Variants in GIGYF2 observed in about 807,000 individuals in gnomAD.
GIGYF2 encodes GRB10-interacting GYF protein 2.
In GIGYF2, 25 loss-of-function variants were observed where a neutral mutation model predicts 208.1. That is an observed-to-expected ratio of 0.12 (90% CI 0.09 to 0.17). GIGYF2 has a LOEUF of 0.17. Among genes scored for constraint, GIGYF2 ranks in the 10% least tolerant of loss-of-function variants. The probability of loss-of-function intolerance (pLI) is 1.00; values close to 1 mark genes in which losing one functional copy is unlikely to be tolerated. For synonymous variants in GIGYF2, 534 were observed against 543.8 expected (o/e 0.98, Z 0.25); for missense variants, 1,302 against 1,579.4 (o/e 0.82, Z 2.98).
Position 232,721,675 on chromosome 2 carries a change from T to C in GIGYF2, c.-43-13480T>C, listed in dbSNP as rs774723840. Among the ~76,000 whole-genome samples, 30 of 152,242 alleles carry C rather than the reference T, an allele frequency of 2.0e-4. 1 individual carries two copies. Among genetic ancestry groups the C allele is most frequent in the Non-Finnish European group, 4.0e-4 (27 of 68,044 alleles). On this transcript the variant is annotated intron_variant, in intron 2 of 28. Transcript: ENST00000373563. ...ACGGTCAGGTTAGCCATTTTTTCTC[T>C]ATCTTTGTGCAAAACTCTCTTTCCT...
At chr2:232,833,373 A>G (rs2106409646) in intron 22 of GIGYF2, among the ~76,000 whole-genome samples, 1 of 152,152 alleles carries the variant, frequency 6.6e-6, no homozygotes, top group African/African-American at 2.4e-5. Context: ...GGCATGCCCC[A>G]CCACACCCAG....
intron 2 of GIGYF2, among the ~76,000 whole-genome samples, chr2:232,709,899 T>C (rs1226739621): frequency 6.6e-6 from 1 of 152,156 alleles, no homozygotes; most frequent in East Asian, 1.9e-4. Flanking sequence ...CTCAAAGTGC[T>C]GGGATTAGAG....
intron 7 of GIGYF2, 74 bp from the exon 8 acceptor site, chr2:232,761,322 G>A: frequency 1.1e-6 from 1 of 904,506 alleles, no homozygotes; most frequent in Admixed American, 1.8e-5. Flanking sequence ...TAGAAAAATG[G>A]GAAAGTGAGT....
chr2:232,839,073 T>C (rs191691454), intron 22 of GIGYF2, among the ~76,000 whole-genome samples: 1 of 152,348 alleles, frequency 6.6e-6, no homozygotes, highest in East Asian at 1.9e-4. Context: ...TCATGTATTA[T>C]TTTTATTAAA....
chr2:232,757,922 A>C (rs187764264), intron 6 of GIGYF2, among the ~76,000 whole-genome samples: 7 of 152,290 alleles, frequency 4.6e-5, no homozygotes, highest in Admixed American at 2.6e-4. Context: ...TCAGAATTTA[A>C]TCAGGCTATG....
intron 2 of GIGYF2, among the ~76,000 whole-genome samples, chr2:232,716,038 T>G (rs1391028016): frequency 6.6e-6 from 1 of 152,190 alleles, no homozygotes; most frequent in African/African-American, 2.4e-5. Context: ...CTCACTAATA[T>G]TCCTTTGTCT....
chr2:232,766,030 G>A (rs1268831924), intron 8 of GIGYF2: 4 of 470,892 alleles, frequency 8.5e-6, no homozygotes, highest in Non-Finnish European at 1.8e-5. Flanking sequence ...CTCCCTCCCA[G>A]TAATTTCCGC....
At chr2:232,733,696 C>G (rs1289589474) in intron 2 of GIGYF2, among the ~76,000 whole-genome samples, 1 of 152,106 alleles carries the variant, frequency 6.6e-6, no homozygotes, top group Non-Finnish European at 1.5e-5. Context: ...ATGCTCAAGT[C>G]CCTAATGTAA....
chr2:232,735,797 A>G (rs1454359065), intron 3 of GIGYF2: 34 of 985,352 alleles, frequency 3.5e-5, no homozygotes, highest in Non-Finnish European at 3.9e-5. Context: ...ATTCTCATGG[A>G]ATTTTGAGAT....
At chr2:232,732,026 G>A (rs1472441399) in intron 2 of GIGYF2, among the ~76,000 whole-genome samples, 4 of 152,160 alleles carry the variant, frequency 2.6e-5, no homozygotes, top group Admixed American at 2.6e-4. Flanking sequence ...TTTAGAGTCT[G>A]ACTTTTCTAA....
chr2:232,829,653 A>G (rs1233885302), intron 21 of GIGYF2, among the ~76,000 whole-genome samples: 2 of 152,154 alleles, frequency 1.3e-5, no homozygotes, highest in Non-Finnish European at 2.9e-5. Flanking sequence ...AAGGATTTCT[A>G]GAGATTTGGG....
chr2:232,740,597 G>C lies in GIGYF2; in HGVS notation c.41+5359G>C, dbSNP rs375145435. 1.2e-4 allele frequency among the ~76,000 whole-genome samples: 19 copies of C among 152,316 alleles called. No individual in the cohort carries two copies. In the South Asian group the frequency reaches 3.9e-3, roughly 32 times the overall value. On this transcript the variant is annotated intron_variant, in intron 3 of 28. Transcript: ENST00000373563. ...GCCCAAGAAGAGCTAATTCCATTAAGAAATGCACTGTATTTCTCTCTTTTG... is the reference window on the plus strand; with the variant it reads ...GCCCAAGAAGAGCTAATTCCATTAACAAATGCACTGTATTTCTCTCTTTTG...
chr2:232,853,278 C>A (rs1290237647), intron 28 of GIGYF2, among the ~76,000 whole-genome samples: 1 of 152,168 alleles, frequency 6.6e-6, no homozygotes, highest in African/African-American at 2.4e-5. Context: ...AATTTTGCTT[C>A]TAAAACAAAC....
At chr2:232,725,602 T>C (rs1431866179) in intron 2 of GIGYF2, among the ~76,000 whole-genome samples, 1 of 152,234 alleles carries the variant, frequency 6.6e-6, no homozygotes, top group South Asian at 2.1e-4. Flanking sequence ...TCTCAATAAA[T>C]GCTAGCAAAT....
chr2:232,747,741 C>CAAGGTAAGA lies in GIGYF2; in HGVS notation c.171+1_171+9dup. On this transcript the variant is annotated inframe_insertion, in exon 4 of 29. Coordinates refer to ENST00000373563, the MANE Select transcript of GIGYF2 (RefSeq NM_001103146.3). ...TGTTAGCACTTTTCCTTAAAGACAA[C>CAAGGTAAGA]AAGGTAAGAAAGTAGGAAAAGAGTT... 6.2e-7 allele frequency: 1 copy of CAAGGTAAGA among 1,613,444 alleles called. No individual in the cohort carries two copies. The highest frequency in any genetic ancestry group is 1.7e-4 in the Middle Eastern group (1 of 6,050).
At chr2:232,783,997 G>GT (rs1699812683) in intron 8 of GIGYF2, among the ~76,000 whole-genome samples, 1 of 152,160 alleles carries the variant, frequency 6.6e-6, no homozygotes, top group African/African-American at 2.4e-5. Context: ...CTCAGATCTA[G>GT]TTTTTTACTT....
intron 21 of GIGYF2, among the ~76,000 whole-genome samples, chr2:232,831,743 T>G (rs1701429686): frequency 6.6e-6 from 1 of 152,194 alleles, no homozygotes; most frequent in Non-Finnish European, 1.5e-5. Flanking sequence ...GACTTTTGAG[T>G]TCAGATGTTT....
intron 28 of GIGYF2, among the ~76,000 whole-genome samples, chr2:232,854,228 C>A (rs1690465184): frequency 6.6e-6 from 1 of 152,188 alleles, no homozygotes; most frequent in Admixed American, 6.5e-5. Context: ...CACGGTGACT[C>A]ATGACTGTAA....
intron 21 of GIGYF2, among the ~76,000 whole-genome samples, chr2:232,832,441 G>C (rs1469630305): frequency 6.6e-6 from 1 of 152,174 alleles, no homozygotes; most frequent in Non-Finnish European, 1.5e-5. Flanking sequence ...TTGGAAAGTT[G>C]CTTTGGTTCC....
Sources: allele counts gnomAD v4.1 joint callset (sites outside exome capture counted in the v4.1 genomes callset), GRCh38; gene constraint gnomAD v4.1.1; transcripts MANE v1.5; gene names NCBI Gene and HGNC (gene_info 2026-07-23, HGNC 2026-07-21).